The following THSD7A variants were observed in gnomAD, a reference collection of about 807,000 sequenced individuals.
The protein encoded by THSD7A is thrombospondin type-1 domain-containing protein 7A.
THSD7A carries 96 observed loss-of-function variants against 231.3 expected under a neutral mutation model. The observed-to-expected ratio is 0.41, with a 90% CI of 0.35 to 0.49. The LOEUF (loss-of-function observed/expected upper bound fraction) is 0.49, where lower values mean the gene tolerates loss of function less well. Among genes scored for constraint, THSD7A ranks in the 20% least tolerant of loss-of-function variants. The probability of loss-of-function intolerance (pLI) is 0.05; values close to 1 mark genes in which losing one functional copy is unlikely to be tolerated. For synonymous variants in THSD7A, 940 were observed against 743.3 expected (o/e 1.26, Z -4.30); for missense variants, 2,290 against 2,070.2 (o/e 1.11, Z -2.06).
chr7:11,803,697 T>A (rs1784335000), intron 1 of THSD7A, among the ~76,000 whole-genome samples: 1 of 152,188 alleles, frequency 6.6e-6, no homozygotes, highest in African/African-American at 2.4e-5. Flanking sequence ...AACAGCGGAA[T>A]CTTTAATTCT....
chr7:11,656,007 C>T (rs532971338), intron 1 of THSD7A, among the ~76,000 whole-genome samples: 19 of 151,814 alleles, frequency 1.3e-4, no homozygotes, highest in Non-Finnish European at 2.4e-4. Context: ...GAATTCTTCC[C>T]GATTTCTTAA....
At chr7:11,387,839 GTGGGTTTGTCATAA>G (rs1420870160) in intron 23 of THSD7A, among the ~76,000 whole-genome samples, 1 of 152,202 alleles carries the variant, frequency 6.6e-6, no homozygotes, top group African/African-American at 2.4e-5. Flanking sequence ...GGTATTGGCT[GTGGGTTTGTCATAA>G]ATAGCTCTTA....
intron 1 of THSD7A, among the ~76,000 whole-genome samples, chr7:11,796,515 G>C (rs889723970): frequency 9.9e-5 from 15 of 151,436 alleles, no homozygotes; most frequent in Non-Finnish European, 1.0e-4. Flanking sequence ...TTTCCATCCA[G>C]AATACAGCAT....
chr7:11,538,708 A>T (rs758485335), intron 6 of THSD7A, among the ~76,000 whole-genome samples: 5 of 152,072 alleles, frequency 3.3e-5, no homozygotes, highest in African/African-American at 4.8e-5. Context: ...TGGAGAGTCT[A>T]ATCGTCTTTT....
chr7:11,716,854 G>A (rs539623592), intron 1 of THSD7A, among the ~76,000 whole-genome samples: 9 of 151,632 alleles, frequency 5.9e-5, no homozygotes, highest in East Asian at 3.9e-4. Context: ...CAGAAAAAGC[G>A]TATGTAATAC....
chr7:11,650,231 A>G (rs561000846), intron 1 of THSD7A, among the ~76,000 whole-genome samples: 121 of 152,106 alleles, frequency 8.0e-4, no homozygotes, highest in African/African-American at 2.7e-3. Context: ...TGACTCATCC[A>G]GTTTTGTTCT....
At chr7:11,807,834 A>G (rs1784437095) in intron 1 of THSD7A, among the ~76,000 whole-genome samples, 1 of 152,150 alleles carries the variant, frequency 6.6e-6, no homozygotes, top group South Asian at 2.1e-4. Context: ...TGTTTTTGCC[A>G]AAAATGTTGG....
At position 11,814,145 on chromosome 7, in the gene THSD7A, T is replaced by G. The variant is rs976741984; in HGVS notation, c.190+17612A>C. ...TTTGCCCGGGACCTGGGCTGATGGC[T>G]CAGGGATGCAGGATTTCTTCTTGGG... On this transcript the variant is annotated intron_variant, in intron 1 of 27. Transcript: ENST00000423059. The surrounding 1 kb of genome is among the most constrained non-coding windows in gnomAD (Gnocchi z 5.1). 7.2e-5 allele frequency among the ~76,000 whole-genome samples: 11 copies of G among 152,188 alleles called. No individual in the cohort carries two copies. Among genetic ancestry groups the G allele is most frequent in the Non-Finnish European group, 1.2e-4 (8 of 68,042 alleles).
At chr7:11,644,963 A>C (rs1782224210) in intron 1 of THSD7A, among the ~76,000 whole-genome samples, 1 of 151,904 alleles carries the variant, frequency 6.6e-6, no homozygotes, top group South Asian at 2.1e-4. Context: ...ATCAGTGACA[A>C]CTTCCTTAGG....
intron 1 of THSD7A, among the ~76,000 whole-genome samples, chr7:11,738,956 C>T (rs916821715): frequency 5.9e-5 from 9 of 151,976 alleles, no homozygotes; most frequent in African/African-American, 1.9e-4. Context: ...TAATTTGTTA[C>T]AGCAGCATGG....
Position 11,371,503 on chromosome 7 carries a change from T to A in THSD7A, c.*4291A>T, listed in dbSNP as rs1163456421. The A allele has an allele frequency of 6.6e-6, 1 of 152,154 alleles. No homozygotes were observed. The highest frequency in any genetic ancestry group is 1.9e-4 in the East Asian group (1 of 5,188). 9.4% of individuals were successfully genotyped at this position (152,154 alleles called of 1,614,324 possible). A position where few individuals can be genotyped will look rare whatever the true frequency, so the allele number is the denominator to read the frequency against. On this transcript the variant is annotated 3_prime_UTR_variant, in exon 28 of 28. Coordinates refer to ENST00000423059, the MANE Select transcript of THSD7A (RefSeq NM_015204.3). ...TGGAAATAGAAGAAGAACCCACACT[T>A]GAATTTGGTAATATATTTATAAACA...
chr7:11,602,079 A>G (rs1382736700), intron 2 of THSD7A, among the ~76,000 whole-genome samples: 3 of 152,208 alleles, frequency 2.0e-5, no homozygotes, highest in Non-Finnish European at 4.4e-5. Context: ...TGTCTCAAAG[A>G]CACAGGATTT....
At position 11,377,831 on chromosome 7, in the gene THSD7A, T is replaced by C. The variant is rs1782338985; in HGVS notation, c.4802-1174A>G. 1 of 152,052 alleles carries C rather than the reference T, an allele frequency of 6.6e-6. No individual in the cohort carries two copies. Among genetic ancestry groups the C allele is most frequent in the Admixed American group, 6.6e-5 (1 of 15,252 alleles). The allele number at this position is 152,052 out of a possible 1,614,324, so 9.4% of individuals were successfully genotyped here. ...AAATTTTAACTTTGGGGAAACTATA[T>C]ATAAAATTTAAAATAATGACAATAA... On this transcript the variant is annotated intron_variant, in intron 26 of 27. Transcript: ENST00000423059. This position sits in a 1 kb window ranked among gnomAD's most constrained non-coding sequence, Gnocchi z 4.5.
At chr7:11,401,000 C>T (rs999473944) in intron 23 of THSD7A, among the ~76,000 whole-genome samples, 6 of 152,032 alleles carry the variant, frequency 3.9e-5, no homozygotes, top group African/African-American at 1.5e-4. Flanking sequence ...GTGAATGATT[C>T]TATGTGTGTA....
At chr7:11,533,685 A>G (rs185798835) in intron 6 of THSD7A, among the ~76,000 whole-genome samples, 14 of 152,298 alleles carry the variant, frequency 9.2e-5, no homozygotes, top group Admixed American at 6.5e-4. Flanking sequence ...GTGGGAGGTG[A>G]ACAATGAGAA....
intron 13 of THSD7A, among the ~76,000 whole-genome samples, chr7:11,437,247 G>C (rs1252381185): frequency 6.6e-6 from 1 of 152,050 alleles, no homozygotes; most frequent in Admixed American, 6.6e-5. Flanking sequence ...CATCACACCA[G>C]ACATGAATGG....
At chr7:11,378,859 G>T (rs1269855572) in intron 26 of THSD7A, 4 of 552,196 alleles carry the variant, frequency 7.2e-6, no homozygotes, top group Non-Finnish European at 1.3e-5. Context: ...TTTCTCAGAA[G>T]AATGTAATTT....
chr7:11,454,372 C>G (rs1371454832), intron 11 of THSD7A, among the ~76,000 whole-genome samples: 1 of 151,840 alleles, frequency 6.6e-6, no homozygotes, highest in Non-Finnish European at 1.5e-5. Context: ...TTCACTACTT[C>G]TCATTTTTTT....
In THSD7A at chr7:11,636,564, G is replaced by C; in HGVS notation, c.588C>G (p.Ile196Met). Residue 196 changes from isoleucine to methionine, a missense_variant, in exon 2 of 28, where the codon ATC becomes ATG. Coordinates refer to ENST00000423059, the MANE Select transcript of THSD7A (RefSeq NM_015204.3). This position sits in a 1 kb window ranked among gnomAD's most constrained non-coding sequence, Gnocchi z 10.0. ...CGGACCAGGCAGAAAATTCAGACAC[G>C]ATGCAATCTTGCTGGCAAGGAATGA... ...ACLIPCQQDC[I>M]VSEFSAWSEC... is the part of the protein sequence containing the mutation. 1 of 1,613,970 alleles carries C rather than the reference G, an allele frequency of 6.2e-7. No homozygotes were observed. The highest frequency in any genetic ancestry group is 8.5e-7 in the Non-Finnish European group (1 of 1,179,904).
Sources: allele counts gnomAD v4.1 joint callset (sites outside exome capture counted in the v4.1 genomes callset), GRCh38; gene constraint gnomAD v4.1.1; non-coding constraint Gnocchi (gnomAD v3.1); transcripts MANE v1.5; gene names NCBI Gene and HGNC (gene_info 2026-07-23, HGNC 2026-07-21).